The following MARCHF6 variants were observed in gnomAD, a reference collection of about 807,000 sequenced individuals.
MARCHF6 encodes membrane associated ring-CH-type finger 6.
In MARCHF6, 31 loss-of-function variants were observed where a neutral mutation model predicts 133.7. The ratio of observed to expected loss-of-function variants is 0.23; its 90% confidence interval spans 0.17 to 0.31. MARCHF6 has a LOEUF of 0.31. Ranked by LOEUF, MARCHF6 falls within the 10% of genes least tolerant of loss-of-function variation. The pLI, the probability that MARCHF6 is intolerant of heterozygous loss-of-function variation, is 1.00. For missense variants in MARCHF6, 723 were observed against 1,121.6 expected (o/e 0.64, Z 5.08); for synonymous variants, 395 against 402.5 (o/e 0.98, Z 0.22).
chr5:10,354,216 C>T (rs1735299646), intron 1 of MARCHF6, among the ~76,000 whole-genome samples: 1 of 152,132 alleles, frequency 6.6e-6, no homozygotes, highest in Non-Finnish European at 1.5e-5. Flanking sequence ...CGCCGTCGCG[C>T]GCTGGCCCAG....
At chr5:10,385,611 T>C (rs991157486) in intron 4 of MARCHF6, among the ~76,000 whole-genome samples, 2 of 152,196 alleles carry the variant, frequency 1.3e-5, no homozygotes, top group African/African-American at 4.8e-5. Flanking sequence ...AAAAATAGTT[T>C]TGTTAGCAAA....
chr5:10,407,613 T>A (rs1002194083), intron 17 of MARCHF6, among the ~76,000 whole-genome samples: 9 of 152,152 alleles, frequency 5.9e-5, no homozygotes, highest in African/African-American at 1.2e-4. Flanking sequence ...TTATTAAAAA[T>A]AGGGTACAAG....
Position 10,394,084 on chromosome 5 carries a change from G to T in MARCHF6, c.769G>T (p.Asp257Tyr). The change falls in exon 8 of 26, where the codon GAC (aspartate) becomes TAC (tyrosine). Residue 257 changes from aspartate to tyrosine, a missense_variant and splice_region_variant. Physicochemically the swap from Asp to Tyr is radical, Grantham distance 160. Coordinates refer to ENST00000274140, the MANE Select transcript of MARCHF6 (RefSeq NM_005885.4). ...TTAAATTGCAATTATATTTTCAGAT[G>T]ACATGAATTGGAATGCTTTAGAATG... ...AADANNGAQD[D>Y]MNWNALEWDR... 6.5e-7 allele frequency: 1 copy of T among 1,527,780 alleles called. No homozygotes were observed. Among genetic ancestry groups the T allele is most frequent in the African/African-American group, 1.4e-5 (1 of 72,298 alleles). The allele number at this position is 1,527,780 out of a possible 1,614,324, so 94.6% of individuals were successfully genotyped here. A position where few individuals can be genotyped will look rare whatever the true frequency, so the allele number is the denominator to read the frequency against.
intron 15 of MARCHF6, 111 bp downstream of exon 15, chr5:10,403,652 T>A (rs554767638): frequency 2.0e-4 from 196 of 964,980 alleles, no homozygotes; most frequent in Admixed American, 1.2e-3. Context: ...TCATATTCTC[T>A]ACTATTTTAT....
chr5:10,387,625 G>GTC (rs1362492199), intron 5 of MARCHF6, among the ~76,000 whole-genome samples: 2 of 152,032 alleles, frequency 1.3e-5, no homozygotes, highest in Non-Finnish European at 2.9e-5. Context: ...TAAATAGGCT[G>GTC]TCACGCAGTT....
intron 4 of MARCHF6, among the ~76,000 whole-genome samples, chr5:10,382,585 T>C (rs2126706996): frequency 6.6e-6 from 1 of 152,086 alleles, no homozygotes. Context: ...CCCAGCACTT[T>C]GGGAGGCCGA....
intron 22 of MARCHF6, among the ~76,000 whole-genome samples, chr5:10,418,013 C>G (rs917654563): frequency 3.3e-5 from 5 of 152,040 alleles, no homozygotes; most frequent in Admixed American, 2.6e-4. Context: ...TGTCTTACTC[C>G]TTTTGACTTG....
chr5:10,355,205 GT>G (rs1327311311), intron 1 of MARCHF6, among the ~76,000 whole-genome samples: 1 of 152,226 alleles, frequency 6.6e-6, no homozygotes, highest in Non-Finnish European at 1.5e-5. Flanking sequence ...TACACTGAGT[GT>G]AGCTAATCGC....
chr5:10,404,673 A>G (rs1738773359), intron 15 of MARCHF6, among the ~76,000 whole-genome samples: 1 of 152,174 alleles, frequency 6.6e-6, no homozygotes, highest in Non-Finnish European at 1.5e-5. Flanking sequence ...GTGAGAAGGG[A>G]ACACAAAAGC....
chr5:10,422,961 G>A (rs769878605), intron 22 of MARCHF6, among the ~76,000 whole-genome samples: 15 of 151,368 alleles, frequency 9.9e-5, no homozygotes, highest in Non-Finnish European at 1.8e-4. Context: ...AAAGATTTTG[G>A]TTTTATGTAA....
At chr5:10,360,166 T>G in intron 1 of MARCHF6, among the ~76,000 whole-genome samples, 1 of 147,216 alleles carries the variant, frequency 6.8e-6, no homozygotes, top group Admixed American at 6.7e-5. Flanking sequence ...TTTTTTTTTT[T>G]GAGACAGAGT....
intron 8 of MARCHF6, 145 bp downstream of exon 8, chr5:10,394,288 A>G (rs1330511492): frequency 2.7e-5 from 13 of 478,318 alleles, no homozygotes; most frequent in Non-Finnish European, 4.6e-5. Context: ...AAGTTAAGTG[A>G]TATATTGTTT....
chr5:10,394,161 C>A lies in MARCHF6; in HGVS notation c.828+18C>A. On this transcript the variant is annotated intron_variant, in intron 8 of 25. Coordinates refer to ENST00000274140, the MANE Select transcript of MARCHF6 (RefSeq NM_005885.4). ...GGGAAAGAGTAAGACCTTTTTCTGT[C>A]AAGTATCCTGGTGTTTTAATCCTAA... 1 of 1,507,888 alleles carries A rather than the reference C, an allele frequency of 6.6e-7. No homozygotes were observed. Among genetic ancestry groups the A allele is most frequent in the South Asian group, 1.3e-5 (1 of 76,208 alleles). 93.4% of individuals were successfully genotyped at this position (1,507,888 alleles called of 1,614,324 possible). A position where few individuals can be genotyped will look rare whatever the true frequency, so the allele number is the denominator to read the frequency against.
At chr5:10,359,922 C>T (rs369316759) in intron 1 of MARCHF6, among the ~76,000 whole-genome samples, 1 of 151,956 alleles carries the variant, frequency 6.6e-6, no homozygotes, top group South Asian at 2.1e-4. Flanking sequence ...AGGAGAATGG[C>T]GTGAACGTGG....
At chr5:10,378,320 G>A (rs1278891253) in intron 2 of MARCHF6, among the ~76,000 whole-genome samples, 1 of 152,180 alleles carries the variant, frequency 6.6e-6, no homozygotes, top group Non-Finnish European at 1.5e-5. Context: ...TTGTGATGAG[G>A]TGGAGTATTA....
chr5:10,387,136 A>C (rs1737529608), intron 5 of MARCHF6, 70 bp downstream of exon 5: 1 of 1,123,252 alleles, frequency 8.9e-7, no homozygotes, highest in African/African-American at 1.6e-5. Context: ...TTGCATATTT[A>C]TTTTATTATA....
intron 7 of MARCHF6, among the ~76,000 whole-genome samples, chr5:10,391,964 T>C (rs1426171504): frequency 6.6e-6 from 1 of 151,578 alleles, no homozygotes; most frequent in African/African-American, 2.4e-5. Context: ...ACAGGCCTTT[T>C]TTTTTTTTTT....
intron 15 of MARCHF6, 104 bp from the exon 16 acceptor site, chr5:10,405,454 T>C: frequency 1.0e-6 from 1 of 970,716 alleles, no homozygotes; most frequent in Non-Finnish European, 1.4e-6. Flanking sequence ...CCACTTTAGA[T>C]GCCAGAATAA....
chr5:10,370,714 A>G (rs1736419282), intron 1 of MARCHF6, among the ~76,000 whole-genome samples: 2 of 152,024 alleles, frequency 1.3e-5, no homozygotes, highest in East Asian at 3.8e-4. Context: ...GACCTTGATT[A>G]GTAAACTGGA....
Sources: gnomAD v4.1 joint callset for allele counts (sites outside exome capture counted in the v4.1 genomes callset) on GRCh38, gnomAD v4.1.1 for gene constraint, MANE v1.5 for transcripts, NCBI Gene and HGNC (gene_info 2026-07-23, HGNC 2026-07-21) for gene names.